B3GALT1: variants seen among roughly 807,000 people sequenced by gnomAD.
B3GALT1 encodes beta-1,3-galactosyltransferase 1, also known as UDP-Gal:betaGlcNAc beta 1,3-galactosyltransferase, polypeptide 1.
A neutral mutation model predicts 23.2 loss-of-function variants in B3GALT1; 10 were observed. That is an observed-to-expected ratio of 0.43 (90% confidence interval 0.27 to 0.73). B3GALT1 has a LOEUF of 0.73. Ranked by LOEUF, B3GALT1 falls within the 30% of genes least tolerant of loss-of-function variation. B3GALT1 has a pLI of 0.21. For synonymous variants in B3GALT1, 156 were observed against 141.5 expected (o/e 1.10, Z -0.73); for missense variants, 299 against 405.4 (o/e 0.74, Z 2.25).
At chr2:167,696,813 T>C (rs1157084892) in intron 3 of B3GALT1, among the ~76,000 whole-genome samples, 1 of 152,192 alleles carries the variant, frequency 6.6e-6, no homozygotes, top group Non-Finnish European at 1.5e-5. Context: ...CGTCCATCTC[T>C]TCTATCAAGA....
At chr2:167,804,183 T>G (rs1166880647) in intron 3 of B3GALT1, among the ~76,000 whole-genome samples, 1 of 152,082 alleles carries the variant, frequency 6.6e-6, no homozygotes, top group Non-Finnish European at 1.5e-5. Flanking sequence ...AGAGACGAGA[T>G]TTCACCACGT....
chr2:167,557,005 T>C (rs1055547461), intron 2 of B3GALT1, among the ~76,000 whole-genome samples: 9 of 152,208 alleles, frequency 5.9e-5, no homozygotes, highest in African/African-American at 2.2e-4. Context: ...TGGATCTCTG[T>C]GATTCTAAAA....
chr2:167,501,718 CAAAA>C (rs35445623), intron 2 of B3GALT1, among the ~76,000 whole-genome samples: 1 of 65,386 alleles, frequency 1.5e-5, no homozygotes, highest in African/African-American at 5.7e-5. Context: ...TCTACAGTGG[CAAAA>C]AAAAAAAAAA....
chr2:167,511,980 C>T (rs1419585694), intron 2 of B3GALT1, among the ~76,000 whole-genome samples: 1 of 152,038 alleles, frequency 6.6e-6, no homozygotes, highest in Non-Finnish European at 1.5e-5. Context: ...TCTTGGGGCT[C>T]ACATTCTGAC....
intron 2 of B3GALT1, among the ~76,000 whole-genome samples, chr2:167,596,421 T>C (rs1373018135): frequency 6.6e-6 from 1 of 152,212 alleles, no homozygotes; most frequent in Non-Finnish European, 1.5e-5. Flanking sequence ...AACACAATTC[T>C]ACCATTTATT....
At chr2:167,868,356 G>A (rs777836671) in intron 4 of B3GALT1, among the ~76,000 whole-genome samples, 1 of 152,168 alleles carries the variant, frequency 6.6e-6, no homozygotes, top group Admixed American at 6.5e-5. Flanking sequence ...GCAAGGAAAT[G>A]TTGAGAATCA....
Position 167,501,771 on chromosome 2 carries a change from T to C in B3GALT1, c.-410+11494T>C, listed in dbSNP as rs1699852365. On this transcript the variant is annotated intron_variant, in intron 2 of 4. Transcript: ENST00000392690. ...CAGTGAGGCTGAGCAACCATGGGGC[T>C]ACTCTTGGAGTAATTAAATACCTTG... 2.0e-5 allele frequency among the ~76,000 whole-genome samples: 3 copies of C among 147,706 alleles called. No individual in the cohort carries two copies. The South Asian group carries it at 6.5e-4, about 32-fold the overall frequency.
chr2:167,507,109 C>T (rs1352030230), intron 2 of B3GALT1, among the ~76,000 whole-genome samples: 1 of 151,930 alleles, frequency 6.6e-6, no homozygotes, highest in African/African-American at 2.4e-5. Context: ...CCAAATATTT[C>T]TTAAAAAAAT....
chr2:167,508,921 G>T (rs1426528807), intron 2 of B3GALT1, among the ~76,000 whole-genome samples: 1 of 152,186 alleles, frequency 6.6e-6, no homozygotes, highest in Non-Finnish European at 1.5e-5. Flanking sequence ...TGTTTACATA[G>T]GAATTTAATA....
At chr2:167,520,573 G>A (rs1002084390) in intron 2 of B3GALT1, among the ~76,000 whole-genome samples, 10 of 152,238 alleles carry the variant, frequency 6.6e-5, no homozygotes, top group Non-Finnish European at 8.8e-5. Flanking sequence ...AGTCAACAGC[G>A]AAAATGCCTT....
chr2:167,654,182 C>T (rs1466846572), intron 3 of B3GALT1, among the ~76,000 whole-genome samples: 1 of 152,126 alleles, frequency 6.6e-6, no homozygotes. Context: ...ATAATAAGAG[C>T]ACTTAATGGA....
chr2:167,310,860 G>GA (rs1696624815), intron 1 of B3GALT1, among the ~76,000 whole-genome samples: 2 of 151,946 alleles, frequency 1.3e-5, no homozygotes, highest in Admixed American at 6.6e-5. Flanking sequence ...TTGTGTTCAA[G>GA]CACTTCTGGA....
At chr2:167,550,696 G>T (rs1683729134) in intron 2 of B3GALT1, among the ~76,000 whole-genome samples, 2 of 152,210 alleles carry the variant, frequency 1.3e-5, no homozygotes, top group African/African-American at 4.8e-5. Flanking sequence ...GTGGGCTTTG[G>T]TGATGCCTTT....
In B3GALT1 at chr2:167,669,701, A is replaced by G. The variant is rs566716313; in HGVS notation, c.-352+22735A>G. Among the ~76,000 whole-genome samples the G allele has an allele frequency of 2.6e-5, 4 of 152,326 alleles. No homozygotes were observed. The East Asian group carries it at 7.7e-4, about 29-fold the overall frequency. On this transcript the variant is annotated intron_variant, in intron 3 of 4. Coordinates refer to ENST00000392690, the MANE Select transcript of B3GALT1 (RefSeq NM_020981.4). ...TGTATTTCAAATATTTTATTCTTTG[A>G]AAAACATATTCTGAGAAGATAACCA... is the stretch of plus-strand genomic sequence containing the variant.
At chr2:167,789,423 G>A (rs946596989) in intron 3 of B3GALT1, among the ~76,000 whole-genome samples, 5 of 152,118 alleles carry the variant, frequency 3.3e-5, no homozygotes, top group African/African-American at 4.8e-5. Context: ...AACAACACGA[G>A]CATGATATCT....
At chr2:167,676,319 GA>G (rs1558945860) in intron 3 of B3GALT1, among the ~76,000 whole-genome samples, 2 of 151,860 alleles carry the variant, frequency 1.3e-5, no homozygotes, top group Admixed American at 6.6e-5. Flanking sequence ...AAAATATGAA[GA>G]AAAAAATGTA....
chr2:167,839,830 G>C (rs1331494461), intron 4 of B3GALT1, among the ~76,000 whole-genome samples: 1 of 152,060 alleles, frequency 6.6e-6, no homozygotes, highest in Non-Finnish European at 1.5e-5. Context: ...CCAAAACAGA[G>C]ATATAGATCA....
chr2:167,370,409 A>G (rs915842606), intron 1 of B3GALT1, among the ~76,000 whole-genome samples: 9 of 152,168 alleles, frequency 5.9e-5, no homozygotes, highest in African/African-American at 1.9e-4. Context: ...AGGTTTATTA[A>G]ACACATACTC....
At chr2:167,677,141 A>G (rs182726189) in intron 3 of B3GALT1, among the ~76,000 whole-genome samples, 16 of 152,320 alleles carry the variant, frequency 1.1e-4, no homozygotes, top group African/African-American at 3.8e-4. Flanking sequence ...AAGCAAGTCT[A>G]AATATCTCAT....
Sources: gnomAD v4.1 joint callset for allele counts (sites outside exome capture counted in the v4.1 genomes callset) on GRCh38, gnomAD v4.1.1 for gene constraint, MANE v1.5 for transcripts, NCBI Gene and HGNC (gene_info 2026-07-23, HGNC 2026-07-21) for gene names.